Variants in AGBL4 observed in about 807,000 individuals in gnomAD.
The protein encoded by AGBL4 is cytosolic carboxypeptidase 6.
A neutral mutation model predicts 66.4 loss-of-function variants in AGBL4; 58 were observed. The observed-to-expected ratio is 0.87, with a 90% confidence interval of 0.71 to 1.09. AGBL4 has a LOEUF of 1.09. Among genes scored for constraint, AGBL4 ranks in the 50% least tolerant of loss-of-function variants. AGBL4 has a pLI of 0.00. For missense variants in AGBL4, 579 were observed against 631.0 expected, an observed-to-expected ratio of 0.92 and a Z score of 0.88; for synonymous variants, 234 against 222.9, an observed-to-expected ratio of 1.05 and a Z score of -0.44.
At chr1:49,579,755 T>C (rs2148881758) in intron 3 of AGBL4, among the ~76,000 whole-genome samples, 1 of 152,320 alleles carries the variant, frequency 6.6e-6, no homozygotes. Context: ...TGCCTAGGCC[T>C]CCCAAAGTGC....
intron 1 of AGBL4, among the ~76,000 whole-genome samples, chr1:49,938,018 A>T (rs1269498666): frequency 6.7e-6 from 1 of 149,552 alleles, no homozygotes; most frequent in African/African-American, 2.5e-5. Context: ...AAGAAAATAG[A>T]GACAAAAAAA....
intron 6 of AGBL4, among the ~76,000 whole-genome samples, chr1:48,779,856 G>A (rs1438547006): frequency 6.6e-6 from 1 of 151,822 alleles, no homozygotes; most frequent in Non-Finnish European, 1.5e-5. Context: ...TGGGATTACA[G>A]GTGCTCGCCA....
chr1:49,333,035 C>A (rs1645364976), intron 3 of AGBL4, among the ~76,000 whole-genome samples: 1 of 152,034 alleles, frequency 6.6e-6, no homozygotes, highest in South Asian at 2.1e-4. Context: ...AGCTTTTTTT[C>A]ATATGTTTTT....
chr1:48,558,252 A>G (rs1315776754), intron 11 of AGBL4, among the ~76,000 whole-genome samples: 2 of 152,240 alleles, frequency 1.3e-5, no homozygotes, highest in Non-Finnish European at 2.9e-5. Flanking sequence ...AGTGACCTTC[A>G]TATTTTCTAG....
chr1:48,800,142 T>C (rs1442807504), intron 6 of AGBL4, among the ~76,000 whole-genome samples: 1 of 152,204 alleles, frequency 6.6e-6, no homozygotes, highest in Non-Finnish European at 1.5e-5. Context: ...CATTTTTTTG[T>C]TGGCAATTTT....
At chr1:49,207,541 CTTTTCTTTCTTT>C (rs1648287803) in intron 4 of AGBL4, among the ~76,000 whole-genome samples, 1 of 50,394 alleles carries the variant, frequency 2.0e-5, no homozygotes, top group African/African-American at 7.0e-5. Flanking sequence ...CTTTTTCTTT[CTTTTCTTTCTTT>C]CTTTCTTTCT....
chr1:49,665,930 T>C (rs1646355940), intron 3 of AGBL4, among the ~76,000 whole-genome samples: 1 of 135,770 alleles, frequency 7.4e-6, no homozygotes. Flanking sequence ...GTGTCTTAAG[T>C]TTTTTTTTTT....
intron 4 of AGBL4, among the ~76,000 whole-genome samples, chr1:49,090,751 T>C (rs1241372259): frequency 1.3e-5 from 2 of 152,136 alleles, no homozygotes; most frequent in Non-Finnish European, 2.9e-5. Context: ...AAAATTCATG[T>C]AGAGTCAAAA....
intron 3 of AGBL4, among the ~76,000 whole-genome samples, chr1:49,251,352 G>A (rs572256001): frequency 2.0e-5 from 3 of 152,314 alleles, no homozygotes; most frequent in African/African-American, 7.2e-5. Context: ...ATAAAGTGCA[G>A]TCTGCTCCCT....
chr1:48,818,532 TATGCACAAAG>T (rs1381784973), intron 6 of AGBL4, among the ~76,000 whole-genome samples: 1 of 152,190 alleles, frequency 6.6e-6, no homozygotes, highest in Non-Finnish European at 1.5e-5. Context: ...AGAAATGCTT[TATGCACAAAG>T]ATGCCTGTGA....
At chr1:49,028,774 A>G (rs1663947646) in intron 5 of AGBL4, among the ~76,000 whole-genome samples, 1 of 152,182 alleles carries the variant, frequency 6.6e-6, no homozygotes, top group Non-Finnish European at 1.5e-5. Flanking sequence ...ACCCCTGAAT[A>G]TCAATATCTC....
intron 6 of AGBL4, among the ~76,000 whole-genome samples, chr1:48,790,944 C>G (rs1005173928): frequency 6.6e-6 from 1 of 152,180 alleles, no homozygotes; most frequent in Non-Finnish European, 1.5e-5. Flanking sequence ...TTTTGTCTCT[C>G]TCTCTCATCT....
chr1:49,488,753 A>T (rs1647123719), intron 3 of AGBL4, among the ~76,000 whole-genome samples: 1 of 151,774 alleles, frequency 6.6e-6, no homozygotes, highest in African/African-American at 2.4e-5. Context: ...CATGAGTTAA[A>T]TTGTTTTAAT....
chr1:49,899,628 C>T (rs565684709), intron 1 of AGBL4, among the ~76,000 whole-genome samples: 14 of 152,120 alleles, frequency 9.2e-5, no homozygotes, highest in Non-Finnish European at 1.3e-4. Flanking sequence ...TATTAAATGA[C>T]GGCTTTCTTT....
intron 1 of AGBL4, among the ~76,000 whole-genome samples, chr1:50,009,495 C>T (rs1225292066): frequency 6.7e-6 from 1 of 149,460 alleles, no homozygotes; most frequent in African/African-American, 2.5e-5. Flanking sequence ...ACTCAAAAAA[C>T]TGGATATAGA....
Position 48,565,111 on chromosome 1 carries a change from G to A in AGBL4, c.1267+21893C>T, listed in dbSNP as rs149784173. Among the ~76,000 whole-genome samples, 54 of 152,324 alleles carry A rather than the reference G, an allele frequency of 3.5e-4. 1 individual carries two copies. In the East Asian group the frequency reaches 7.7e-3, roughly 22 times the overall value. On this transcript the variant is annotated intron_variant, in intron 11 of 13. Transcript: ENST00000371839. ...ATCATACACCTGGCCCAGGCAAGACGTTATTAATCAGTATCTTAATGAAGC... is the reference window on the plus strand; with the variant it reads ...ATCATACACCTGGCCCAGGCAAGACATTATTAATCAGTATCTTAATGAAGC...
chr1:49,525,874 T>C (rs2148806752), intron 3 of AGBL4, among the ~76,000 whole-genome samples: 1 of 151,488 alleles, frequency 6.6e-6, no homozygotes, highest in East Asian at 2.0e-4. Flanking sequence ...GGTCAGGAGG[T>C]CAGGAGATCC....
At position 48,733,826 on chromosome 1, in the gene AGBL4, A is replaced by G. The variant is rs138664141; in HGVS notation, c.635-70585T>C. Among the ~76,000 whole-genome samples, 256 of 152,272 alleles carry G rather than the reference A, an allele frequency of 1.7e-3. 1 individual carries two copies. The highest frequency in any genetic ancestry group is 5.9e-3 in the African/African-American group (245 of 41,562). On this transcript the variant is annotated intron_variant, in intron 6 of 13. Coordinates refer to ENST00000371839, the MANE Select transcript of AGBL4 (RefSeq NM_032785.4). ...TGGGTCTCTGTGTTTCTTCTGTTCA[A>G]CCTTCGTTTACTGAGTGCCTACTAT... is the stretch of plus-strand genomic sequence containing the variant.
At chr1:49,927,835 A>C (rs1330095064) in intron 1 of AGBL4, among the ~76,000 whole-genome samples, 5 of 152,254 alleles carry the variant, frequency 3.3e-5, no homozygotes, top group Non-Finnish European at 7.3e-5. Context: ...ATTATGTAGC[A>C]TGCAATAGTC....
Sources: allele counts gnomAD v4.1 joint callset (sites outside exome capture counted in the v4.1 genomes callset), GRCh38; gene constraint gnomAD v4.1.1; transcripts MANE v1.5; gene names NCBI Gene and HGNC (gene_info 2026-07-23, HGNC 2026-07-21).